EREG: variants seen among roughly 807,000 people sequenced by gnomAD.
The protein encoded by EREG is epiregulin, also known as proepiregulin.
EREG carries 23 observed loss-of-function variants against 22.4 expected under a neutral mutation model. The ratio of observed to expected loss-of-function variants is 1.03; its 90% CI spans 0.74 to 1.46. The LOEUF is 1.46. Among genes scored for constraint, EREG ranks in the 40% most tolerant of loss-of-function variants. The pLI, the probability that EREG is intolerant of heterozygous loss-of-function variation, is 0.00. For missense variants in EREG, 226 were observed against 205.9 expected (o/e 1.10, Z -0.60); for synonymous variants, 100 against 75.4 (o/e 1.33, Z -1.69).
intron 1 of EREG, among the ~76,000 whole-genome samples, chr4:74,371,197 C>T (rs768920251): frequency 7.2e-5 from 11 of 151,976 alleles, no homozygotes; most frequent in Non-Finnish European, 1.6e-4. Context: ...ATAAAATATA[C>T]TTTTTTTTAA....
intron 1 of EREG, 105 bp from the exon 2 acceptor site, chr4:74,379,343 C>G (rs1040221556): frequency 1.3e-5 from 9 of 682,420 alleles, no homozygotes; most frequent in Non-Finnish European, 2.3e-5. Context: ...TGGACCAAAT[C>G]TGTGAAACAA....
In EREG at chr4:74,385,225, A is replaced by G. The variant is rs557500316; in HGVS notation, c.*417A>G. The G allele has an allele frequency of 1.9e-5, 3 of 156,706 alleles. No homozygotes were observed. Among genetic ancestry groups the G allele is most frequent in the Non-Finnish European group, 4.2e-5 (3 of 70,968 alleles). 9.7% of individuals were successfully genotyped at this position (156,706 alleles called of 1,614,324 possible). On this transcript the variant is annotated 3_prime_UTR_variant, in exon 5 of 5. Coordinates refer to ENST00000244869, the MANE Select transcript of EREG (RefSeq NM_001432.3). ...TTTTATGTTCCTCAAATCAGTGATA[A>G]TTGGTTTGACTGTACCATGGTTTGA... is the stretch of plus-strand genomic sequence containing the variant.
chr4:74,376,121 A>G (rs971363641), intron 1 of EREG, among the ~76,000 whole-genome samples: 2 of 152,180 alleles, frequency 1.3e-5, no homozygotes, highest in Non-Finnish European at 2.9e-5. Context: ...ACGGTGGAAA[A>G]ACTAACAACT....
chr4:74,365,757 A>G (rs1046916506), intron 1 of EREG, among the ~76,000 whole-genome samples: 55 of 141,916 alleles, frequency 3.9e-4, no homozygotes, highest in African/African-American at 1.3e-3. Flanking sequence ...TTTTTGTTGG[A>G]GAGTGGGGAA....
At chr4:74,377,367 TCTCTGTGATGTCCATTATA>T (rs1266445616) in intron 1 of EREG, among the ~76,000 whole-genome samples, 2 of 152,202 alleles carry the variant, frequency 1.3e-5, no homozygotes, top group African/African-American at 4.8e-5. Flanking sequence ...CATAATTTGT[TCTCTGTGATGTCCATTATA>T]CTCTAGTATT....
rs1752552344 is a variant in EREG, at chr4:74,385,326, T to G, written c.*518T>G. The G allele has an allele frequency of 1.3e-5, 2 of 153,382 alleles. 1 individual carries two copies. Among genetic ancestry groups the G allele is most frequent in the African/African-American group, 4.8e-5 (2 of 41,476 alleles). 9.5% of individuals were successfully genotyped at this position (153,382 alleles called of 1,614,324 possible). On this transcript the variant is annotated 3_prime_UTR_variant, in exon 5 of 5. Coordinates refer to ENST00000244869, the MANE Select transcript of EREG (RefSeq NM_001432.3). ...ATTTGGGAGAAGCAAATATAGGTCC[T>G]GTGTTAAACACTACACATTTGAAAC... is the stretch of plus-strand genomic sequence containing the variant.
intron 3 of EREG, chr4:74,382,408 GC>G (rs1752493984): frequency 2.5e-6 from 1 of 393,290 alleles, no homozygotes; most frequent in Non-Finnish European, 4.5e-6. Flanking sequence ...TGGACTGTCA[GC>G]CACCATGACA....
At chr4:74,384,295 T>C (rs1355705220) in intron 4 of EREG, among the ~76,000 whole-genome samples, 2 of 152,176 alleles carry the variant, frequency 1.3e-5, no homozygotes, top group Admixed American at 6.5e-5. Context: ...ATAAATATTA[T>C]TTTTATTTTG....
At chr4:74,367,708 G>A (rs1752210356) in intron 1 of EREG, among the ~76,000 whole-genome samples, 1 of 152,142 alleles carries the variant, frequency 6.6e-6, no homozygotes, top group Admixed American at 6.5e-5. Context: ...GAGAGTTTAT[G>A]AGTTACCTGA....
chr4:74,378,517 T>A (rs1179478414), intron 1 of EREG, among the ~76,000 whole-genome samples: 2 of 152,176 alleles, frequency 1.3e-5, no homozygotes, highest in African/African-American at 2.4e-5. Context: ...CCCAAAGCAA[T>A]TGCAAGCTGA....
chr4:74,378,019 G>T (rs1344640664), intron 1 of EREG, among the ~76,000 whole-genome samples: 1 of 152,184 alleles, frequency 6.6e-6, no homozygotes, highest in Non-Finnish European at 1.5e-5. Context: ...AACTGTGAAA[G>T]AAATGGAAAG....
At chr4:74,373,731 C>A (rs1043635219) in intron 1 of EREG, among the ~76,000 whole-genome samples, 8 of 147,280 alleles carry the variant, frequency 5.4e-5, no homozygotes, top group Non-Finnish European at 8.9e-5. Context: ...TAAGTATATA[C>A]GTGTGCGTAT....
intron 1 of EREG, among the ~76,000 whole-genome samples, chr4:74,366,807 C>T (rs1272729818): frequency 2.0e-5 from 3 of 152,142 alleles, no homozygotes; most frequent in Non-Finnish European, 4.4e-5. Flanking sequence ...CATTGCATTA[C>T]TTAATTATAG....
intron 1 of EREG, among the ~76,000 whole-genome samples, chr4:74,372,218 A>G (rs963327440): frequency 5.9e-5 from 9 of 152,244 alleles, no homozygotes; most frequent in African/African-American, 1.7e-4. Context: ...TTCATAAACT[A>G]TATTATCTGA....
intron 1 of EREG, among the ~76,000 whole-genome samples, chr4:74,375,048 C>T (rs1047536206): frequency 3.8e-5 from 5 of 130,766 alleles, no homozygotes; most frequent in South Asian, 2.5e-4. Flanking sequence ...ACCAATGCCA[C>T]CAGACAAGAA....
At chr4:74,367,376 C>T (rs964037293) in intron 1 of EREG, among the ~76,000 whole-genome samples, 5 of 152,194 alleles carry the variant, frequency 3.3e-5, no homozygotes, top group Admixed American at 6.5e-5. Flanking sequence ...GTTGAAATAC[C>T]GGATAACATT....
At chr4:74,366,416 T>C (rs2110382057) in intron 1 of EREG, among the ~76,000 whole-genome samples, 1 of 152,252 alleles carries the variant, frequency 6.6e-6, no homozygotes, top group South Asian at 2.1e-4. Context: ...ATGCATACTA[T>C]GCATAATTGA....
intron 1 of EREG, among the ~76,000 whole-genome samples, chr4:74,375,540 A>G (rs961176366): frequency 6.2e-4 from 92 of 148,778 alleles, no homozygotes; most frequent in African/African-American, 2.3e-3. Context: ...CGTGTTAGCC[A>G]GGATGGTCTC....
At position 74,386,486 on chromosome 4, in the gene EREG, T is replaced by C. The variant is rs1185208073; in HGVS notation, c.*1678T>C. On this transcript the variant is annotated 3_prime_UTR_variant, in exon 5 of 5. Transcript: ENST00000244869. ...CATATACATATTGTATATATATTCA[T>C]ATACAAACATGTATGTATACATGAC... 1 of 152,252 alleles carries C rather than the reference T, an allele frequency of 6.6e-6. No individual in the cohort carries two copies. The highest frequency in any genetic ancestry group is 1.5e-5 in the Non-Finnish European group (1 of 68,052). The allele number at this position is 152,252 out of a possible 1,614,324, so 9.4% of individuals were successfully genotyped here. A position where few individuals can be genotyped will look rare whatever the true frequency, so the allele number is the denominator to read the frequency against.
Sources: gnomAD v4.1 joint callset for allele counts (sites outside exome capture counted in the v4.1 genomes callset) on GRCh38, gnomAD v4.1.1 for gene constraint, MANE v1.5 for transcripts, NCBI Gene and HGNC (gene_info 2026-07-23, HGNC 2026-07-21) for gene names.